The following ZBTB24 variants were observed in gnomAD, a reference collection of about 807,000 sequenced individuals.
ZBTB24 encodes zinc finger and BTB domain-containing protein 24.
Under a neutral mutation model 53.8 loss-of-function variants are expected in ZBTB24, and 32 were observed. The ratio of observed to expected loss-of-function variants is 0.60; its 90% CI spans 0.45 to 0.80. ZBTB24 has a LOEUF of 0.80. ZBTB24 is among the 30% of genes least tolerant of loss of function. The pLI is 0.00. For missense variants in ZBTB24, 722 were observed against 837.1 expected, an observed-to-expected ratio of 0.86 and a Z score of 1.70; for synonymous variants, 297 against 306.7, an observed-to-expected ratio of 0.97 and a Z score of 0.33.
chr6:109,477,967 G>A lies in ZBTB24; in HGVS notation c.953-1037C>T, dbSNP rs142965426. On this transcript the variant is annotated intron_variant, in intron 2 of 6. Coordinates refer to ENST00000230122, the MANE Select transcript of ZBTB24 (RefSeq NM_014797.3). ...GCCTCCATACAACTGTTTCAGTACT[G>A]ACTGAGTGGTTAAGTTAAACATTAA... Among the ~76,000 whole-genome samples, 596 of 152,302 alleles carry A rather than the reference G, an allele frequency of 3.9e-3. 4 individuals are homozygous for A. The highest frequency in any genetic ancestry group is 0.014 in the African/African-American group (581 of 41,568).
Position 109,481,592 on chromosome 6 carries a change from G to C in ZBTB24, c.435C>G (p.Ala145=), listed in dbSNP as rs751640962. ...TCTTATTAGAGATAACAACCACTGG[G>C]GCACCAGCAGTGTTCAAAGTTGTTG... ...PKPTTLNTAG[A]PVVVISNKKN... The change falls in exon 2 of 7, where the codon GCC becomes GCG. Residue 145 remains alanine, a synonymous_variant. Transcript: ENST00000230122. 2 of 1,614,154 alleles carry C rather than the reference G, an allele frequency of 1.2e-6. No individual in the cohort carries two copies. The highest frequency in any genetic ancestry group is 1.7e-6 in the Non-Finnish European group (2 of 1,180,024).
chr6:109,473,428 G>A (rs1776210327), intron 5 of ZBTB24, among the ~76,000 whole-genome samples: 2 of 152,122 alleles, frequency 1.3e-5, no homozygotes, highest in African/African-American at 2.4e-5. Context: ...CATCTTCAAT[G>A]GCCGGCTGGC....
Position 109,475,471 on chromosome 6 carries a change from G to A in ZBTB24, c.1216C>T (p.Pro406Ser), listed in dbSNP as rs760514679. 1.8e-5 allele frequency: 29 copies of A among 1,614,006 alleles called. No individual in the cohort carries two copies. The highest frequency in any genetic ancestry group is 3.3e-4 in the Middle Eastern group (2 of 6,084). The stretch of plus-strand genomic sequence containing the variant: ...TTGCGATGGCAGTCTTTGCATTCCG[G>A]TAATGAGTGGCCTTGTCGCAACAAT... ...HYRVHTGHSL[P>S]ECKDCHRKFM... Residue 406 changes from proline to serine, a missense_variant, in exon 5 of 7, where the codon CCG becomes TCG. Physicochemically the swap from Pro to Ser is moderately conservative, Grantham distance 74. Coordinates refer to ENST00000230122, the MANE Select transcript of ZBTB24 (RefSeq NM_014797.3).
chr6:109,475,482 C>T lies in ZBTB24; in HGVS notation c.1205G>A (p.Gly402Asp), dbSNP rs778657419. 6.2e-7 allele frequency: 1 copy of T among 1,614,118 alleles called. No individual in the cohort carries two copies. Among genetic ancestry groups the T allele is most frequent in the East Asian group, 2.2e-5 (1 of 44,888 alleles). The part of the protein sequence containing the change: ...QLKSHYRVHT[G>D]HSLPECKDCH... ...GTCTTTGCATTCCGGTAATGAGTGG[C>T]CTTGTCGCAACAATAAAAAAAGTGT... The change falls in exon 5 of 7, where the codon GGC (glycine) becomes GAC (aspartate). Residue 402 changes from glycine (G) to aspartate (D), a missense_variant and splice_region_variant. Coordinates refer to ENST00000230122, the MANE Select transcript of ZBTB24 (RefSeq NM_014797.3).
At chr6:109,482,765 C>T (rs1776456026) in intron 1 of ZBTB24, among the ~76,000 whole-genome samples, 1 of 152,166 alleles carries the variant, frequency 6.6e-6, no homozygotes, top group African/African-American at 2.4e-5. Flanking sequence ...TCAGGGAGAA[C>T]GAAGCTGCCT....
chr6:109,471,097 C>G (rs1304418499), intron 5 of ZBTB24, among the ~76,000 whole-genome samples: 1 of 152,222 alleles, frequency 6.6e-6, no homozygotes, highest in African/African-American at 2.4e-5. Flanking sequence ...AAGTTCCTTC[C>G]AGGGGGTTCC....
intron 5 of ZBTB24, among the ~76,000 whole-genome samples, 155 bp downstream of exon 5, chr6:109,475,244 C>T (rs1776255313): frequency 6.6e-6 from 1 of 152,070 alleles, no homozygotes; most frequent in South Asian, 2.1e-4. Flanking sequence ...CAACATTCTG[C>T]CTTCCAACTT....
rs770667826 is a variant in ZBTB24, at chr6:109,466,096, T to C, written c.1849A>G (p.Ile617Val). ...CTTTCAATCATATTGAGGCTCTGAA[T>C]GTGTTCTGTTTGCTCCTGTTGAGCT... ...LSAQQEQTEH[I>V]QSLNMIESQM... is the part of the protein sequence containing the mutation. The change falls in exon 7 of 7, where the codon ATT becomes GTT. Residue 617 changes from isoleucine (I) to valine (V), a missense_variant. Coordinates refer to ENST00000230122, the MANE Select transcript of ZBTB24 (RefSeq NM_014797.3). The C allele has an allele frequency of 1.1e-5, 17 of 1,614,246 alleles. No homozygotes were observed. The highest frequency in any genetic ancestry group is 1.4e-5 in the Non-Finnish European group (16 of 1,180,044).
chr6:109,474,030 A>G (rs1027521700), intron 5 of ZBTB24, among the ~76,000 whole-genome samples: 2 of 151,070 alleles, frequency 1.3e-5, no homozygotes, highest in Admixed American at 1.3e-4. Context: ...CAGAGGTTAC[A>G]GTGAGCCAAG....
chr6:109,466,264 G>T lies in ZBTB24; in HGVS notation c.1681C>A (p.His561Asn). ...EIQLLVTDSV[H>N]NINFMPGPSQ... ...GGACCGGGCATGAAATTGATGTTAT[G>T]TACAGAATCGGTTACGAGAAGCTGA... The change falls in exon 7 of 7, where the codon CAT (histidine) becomes AAT (asparagine). Residue 561 changes from histidine (H) to asparagine (N), a missense_variant. His to Asn is a moderately conservative substitution (Grantham distance 68). Coordinates refer to ENST00000230122, the MANE Select transcript of ZBTB24 (RefSeq NM_014797.3). 1 of 1,614,220 alleles carries T rather than the reference G, an allele frequency of 6.2e-7. No individual in the cohort carries two copies. The highest frequency in any genetic ancestry group is 8.5e-7 in the Non-Finnish European group (1 of 1,180,048).
Position 109,465,648 on chromosome 6 carries a change from C to G in ZBTB24, c.*203G>C. 6.4e-7 allele frequency: 1 copy of G among 1,556,994 alleles called. No homozygotes were observed. Among genetic ancestry groups the G allele is most frequent in the East Asian group, 2.4e-5 (1 of 42,540 alleles). On this transcript the variant is annotated 3_prime_UTR_variant, in exon 7 of 7. Transcript: ENST00000230122. The stretch of plus-strand genomic sequence containing the variant: ...AACCATTCAATAATATTGAAATGCT[C>G]AATACAAATCAGTACCTTAGACAAG...
Position 109,481,854 on chromosome 6 carries a change from C to T in ZBTB24, c.173G>A (p.Ser58Asn), listed in dbSNP as rs763082840. 18 of 1,614,084 alleles carry T rather than the reference C, an allele frequency of 1.1e-5. No homozygotes were observed. Among genetic ancestry groups the T allele is most frequent in the Non-Finnish European group, 1.4e-5 (16 of 1,180,038 alleles). ...FRAHKALLAA[S>N]SEYFSMMFAE... ...AAACATCATTGAGAAGTATTCACTA[C>T]TGGCAGCAAGTAAGGCTTTGTGGGC... Residue 58 changes from serine (S) to asparagine (N), a missense_variant, in exon 2 of 7, where the codon AGT (serine) becomes AAT (asparagine). Ser to Asn is a conservative substitution (Grantham distance 46). Transcript: ENST00000230122.
intron 2 of ZBTB24, among the ~76,000 whole-genome samples, chr6:109,478,314 C>T (rs1257153974): frequency 1.3e-5 from 2 of 152,212 alleles, no homozygotes; most frequent in East Asian, 1.9e-4. Context: ...GAGGAATGCA[C>T]ACTTACAGAC....
chr6:109,476,997 T>TA lies in ZBTB24; in HGVS notation c.953-68dup, dbSNP rs1274015454. 11 of 1,570,220 alleles carry TA rather than the reference T, an allele frequency of 7.0e-6. No individual in the cohort carries two copies. In the Admixed American group the frequency reaches 9.1e-5, roughly 13 times the overall value. Reference sequence around the variant, plus strand: ...ACACATTTTTCTGTCTCTCCCAAATTAAAAAAACAATAAAGGATTTTTCTT... The same window carrying TA: ...ACACATTTTTCTGTCTCTCCCAAATTAAAAAAAACAATAAAGGATTTTTCTT... On this transcript the variant is annotated intron_variant, in intron 2 of 6. Coordinates refer to ENST00000230122, the MANE Select transcript of ZBTB24 (RefSeq NM_014797.3).
intron 4 of ZBTB24, among the ~76,000 whole-genome samples, chr6:109,475,884 C>G (rs1776267672): frequency 6.6e-6 from 1 of 152,260 alleles, no homozygotes; most frequent in Non-Finnish European, 1.5e-5. Context: ...CCAGGCACCA[C>G]TAACAACCAT....
intron 5 of ZBTB24, among the ~76,000 whole-genome samples, chr6:109,469,148 C>T (rs1776115309): frequency 6.6e-6 from 1 of 152,214 alleles, no homozygotes; most frequent in African/African-American, 2.4e-5. Flanking sequence ...TGAACTCTTA[C>T]CACTACAAAG....
intron 2 of ZBTB24, 41 bp downstream of exon 2, chr6:109,481,034 A>C: frequency 6.2e-7 from 1 of 1,607,096 alleles, no homozygotes; most frequent in Non-Finnish European, 8.5e-7. Context: ...ACTACTCCCA[A>C]TTCTGCAACA....
At chr6:109,477,008 T>A in intron 2 of ZBTB24, 78 bp from the exon 3 acceptor site, 1 of 1,549,782 alleles carries the variant, frequency 6.5e-7, no homozygotes, top group Non-Finnish European at 8.7e-7. Context: ...AAAAAAACAA[T>A]AAAGGATTTT....
At position 109,481,614 on chromosome 6, in the gene ZBTB24, G is replaced by T; in HGVS notation, c.413C>A (p.Thr138Lys). ...TGGGGCACCAGCAGTGTTCAAAGTT[G>T]TTGGCTTTGGGGAGCTATGATTATT... ...FQNNHSSPKP[T>K]TLNTAGAPVV... is the part of the protein sequence containing the mutation. The change falls in exon 2 of 7, where the codon ACA (threonine) becomes AAA (lysine). Residue 138 changes from threonine (T) to lysine (K), a missense_variant. Transcript: ENST00000230122. 1 of 1,614,200 alleles carries T rather than the reference G, an allele frequency of 6.2e-7. No homozygotes were observed. The highest frequency in any genetic ancestry group is 8.5e-7 in the Non-Finnish European group (1 of 1,180,030).
Sources: gnomAD v4.1 joint callset for allele counts (sites outside exome capture counted in the v4.1 genomes callset) on GRCh38, gnomAD v4.1.1 for gene constraint, MANE v1.5 for transcripts, NCBI Gene and HGNC (gene_info 2026-07-23, HGNC 2026-07-21) for gene names.